The following DMD variants were observed in gnomAD, a reference collection of about 807,000 sequenced individuals.
The protein encoded by DMD is mutant dystrophin.
In DMD, 63 loss-of-function variants were observed where a neutral mutation model predicts 330.1. The observed-to-expected ratio is 0.19, with a 90% CI of 0.16 to 0.24. The LOEUF (loss-of-function observed/expected upper bound fraction) is 0.24, where lower values mean the gene tolerates loss of function less well. DMD is among the 10% of genes least tolerant of loss of function. The probability of loss-of-function intolerance (pLI) is 1.00; values close to 1 mark genes in which losing one functional copy is unlikely to be tolerated. For missense variants in DMD, 3,344 were observed against 2,684.1 expected, an observed-to-expected ratio of 1.25 and a Z score of -5.43; for synonymous variants, 1,223 against 959.8, an observed-to-expected ratio of 1.27 and a Z score of -5.07.
intron 51 of DMD, among the ~76,000 whole-genome samples, chrX:31,773,123 A>G (rs1026711531): frequency 3.6e-5 from 4 of 112,503 alleles, no homozygotes; most frequent in African/African-American, 1.3e-4. Context: ...TAGTACTTTA[A>G]TACCTAAATA....
At chrX:31,204,486 C>T (rs922201632) in intron 66 of DMD, among the ~76,000 whole-genome samples, 7 of 112,071 alleles carry the variant, frequency 6.2e-5, no homozygotes, top group Admixed American at 3.8e-4. Context: ...ATATAACTGG[C>T]CCAAAGCACC....
chrX:33,188,234 ATCTCTC>A (rs745634940), intron 1 of DMD, among the ~76,000 whole-genome samples: 3 of 104,503 alleles, frequency 2.9e-5, no homozygotes, highest in African/African-American at 1.0e-4. Flanking sequence ...TCCTTTAACC[ATCTCTC>A]TCTCTCTCTC....
chrX:33,254,216 CTTTG>C (rs1486551386), intron 1 of DMD, among the ~76,000 whole-genome samples: 5 of 110,710 alleles, frequency 4.5e-5, no homozygotes, highest in Non-Finnish European at 5.7e-5. Context: ...CATCACAAGG[CTTTG>C]TTTGTCTGGA....
At chrX:32,107,131 T>C (rs1461692994) in intron 44 of DMD, among the ~76,000 whole-genome samples, 1 of 110,787 alleles carries the variant, frequency 9.0e-6, no homozygotes, top group Non-Finnish European at 1.9e-5. Context: ...TGTGGGAGTG[T>C]AAAGCTTCAT....
chrX:31,989,266 C>A (rs1412691945), intron 44 of DMD, among the ~76,000 whole-genome samples: 2 of 111,848 alleles, frequency 1.8e-5, no homozygotes, highest in African/African-American at 3.3e-5. Flanking sequence ...TCTCGGTACC[C>A]TGCGGCCCAG....
chrX:33,141,877 A>C (rs2047816936), intron 1 of DMD, among the ~76,000 whole-genome samples: 1 of 111,969 alleles, frequency 8.9e-6, no homozygotes, highest in Admixed American at 9.5e-5. Flanking sequence ...CAGCAGAGGA[A>C]ATTAATTTAC....
At chrX:31,266,911 G>GCGCTGC (rs1569511320) in intron 62 of DMD, 3 of 1,172,353 alleles carry the variant, frequency 2.6e-6, no homozygotes, top group Non-Finnish European at 3.4e-6. Flanking sequence ...CGAAAGTGGA[G>GCGCTGC]CGCCGCCGCC....
intron 63 of DMD, among the ~76,000 whole-genome samples, chrX:31,252,442 A>C (rs1392144072): frequency 2.7e-5 from 3 of 111,995 alleles, no homozygotes; most frequent in Non-Finnish European, 5.6e-5. Context: ...TACCATAGTG[A>C]GTATAAATCA....
At chrX:32,725,310 T>C (rs1379608992) in intron 7 of DMD, among the ~76,000 whole-genome samples, 1 of 111,137 alleles carries the variant, frequency 9.0e-6, no homozygotes, top group East Asian at 2.8e-4. Context: ...TGAAATTTTA[T>C]CTATAATATT....
intron 71 of DMD, among the ~76,000 whole-genome samples, chrX:31,176,634 A>C (rs985550040): frequency 6.3e-5 from 7 of 111,554 alleles, no homozygotes; most frequent in African/African-American, 2.3e-4. Flanking sequence ...AACTCTTTAA[A>C]AGTTTCTTAT....
Position 31,806,084 on chromosome X carries a change from T to G in DMD, c.7309+13891A>C, listed in dbSNP as rs546914990. On this transcript the variant is annotated intron_variant, in intron 50 of 78. Coordinates refer to ENST00000357033, the MANE Select transcript of DMD (RefSeq NM_004006.3). ...TCTGGCTTGTAAAACCCAAAATATT[T>G]ACTATCTGGCTTTTTACAGAAAAAA... Among the ~76,000 whole-genome samples the G allele has an allele frequency of 1.9e-4, 21 of 112,362 alleles. No homozygotes were observed. In the South Asian group the frequency reaches 7.7e-3, roughly 41 times the overall value.
At chrX:31,510,364 C>T (rs1012292393) in intron 55 of DMD, among the ~76,000 whole-genome samples, 1 of 111,004 alleles carries the variant, frequency 9.0e-6, no homozygotes, top group Non-Finnish European at 1.9e-5. Context: ...AGTCACTGAA[C>T]CTGAACGAAG....
At chrX:31,377,595 T>C (rs2059943944) in intron 60 of DMD, among the ~76,000 whole-genome samples, 1 of 112,280 alleles carries the variant, frequency 8.9e-6, no homozygotes, top group African/African-American at 3.2e-5. Context: ...GCAGCCATAT[T>C]ACCTGGGTTT....
intron 18 of DMD, chrX:32,516,814 C>A (rs1245594139): frequency 1.8e-5 from 2 of 111,480 alleles, no homozygotes; most frequent in Admixed American, 9.5e-5. Flanking sequence ...TAATTTTCTA[C>A]AATTATATAT....
intron 2 of DMD, among the ~76,000 whole-genome samples, chrX:32,914,935 T>G (rs1280034943): frequency 9.0e-6 from 1 of 111,400 alleles, no homozygotes; most frequent in African/African-American, 3.3e-5. Context: ...ATGAGAAAAC[T>G]GAGGCTCAGA....
intron 2 of DMD, among the ~76,000 whole-genome samples, chrX:32,983,914 A>T (rs901147149): frequency 1.8e-5 from 2 of 111,442 alleles, no homozygotes; most frequent in Non-Finnish European, 3.8e-5. Context: ...TTTTTAAAAA[A>T]TGCTACATGA....
intron 9 of DMD, among the ~76,000 whole-genome samples, chrX:32,694,091 C>A (rs767423102): frequency 1.8e-5 from 2 of 111,833 alleles, no homozygotes; most frequent in African/African-American, 6.5e-5. Context: ...ATCTTCCTTT[C>A]TCTGAAAACA....
chrX:31,987,042 TTATC>T (rs777602879), intron 44 of DMD, among the ~76,000 whole-genome samples: 2 of 112,213 alleles, frequency 1.8e-5, no homozygotes, highest in South Asian at 3.7e-4. Flanking sequence ...TATCTATCAG[TTATC>T]TATCTATCAT....
intron 44 of DMD, among the ~76,000 whole-genome samples, chrX:31,970,103 T>C (rs939942341): frequency 1.8e-5 from 2 of 111,894 alleles, no homozygotes; most frequent in Non-Finnish European, 3.8e-5. Flanking sequence ...AGGTCAGATA[T>C]TGTGTCTTAT....
Sources: allele counts gnomAD v4.1 joint callset (sites outside exome capture counted in the v4.1 genomes callset), GRCh38; gene constraint gnomAD v4.1.1; transcripts MANE v1.5; gene names NCBI Gene and HGNC (gene_info 2026-07-23, HGNC 2026-07-21).